The following ACACA variants were observed in gnomAD, a reference collection of about 807,000 sequenced individuals.
The protein encoded by ACACA is acetyl-CoA carboxylase 1.
ACACA carries 103 observed loss-of-function variants against 296.1 expected under a neutral mutation model. The observed-to-expected ratio is 0.35, with a 90% CI of 0.30 to 0.41. The LOEUF is 0.41. ACACA is among the 10% of genes least tolerant of loss of function. ACACA has a pLI of 1.00. For synonymous variants in ACACA, 953 were observed against 1,038.6 expected, an observed-to-expected ratio of 0.92 and a Z score of 1.58; for missense variants, 1,554 against 2,989.7, an observed-to-expected ratio of 0.52 and a Z score of 11.20.
chr17:37,244,776 A>G (rs776346508), intron 20 of ACACA, 42 bp from the exon 21 acceptor site: 2 of 1,613,486 alleles, frequency 1.2e-6, no homozygotes, highest in Non-Finnish European at 1.7e-6. Flanking sequence ...ACTACTTTTG[A>G]TCTAAGGTAC....
At chr17:37,174,010 ATATATATATATTTT>A (rs1462493922) in intron 41 of ACACA, among the ~76,000 whole-genome samples, 5 of 12,196 alleles carry the variant, frequency 4.1e-4, no homozygotes, top group Admixed American at 1.6e-3. Context: ...ATATATATAT[ATATATATATATTTT>A]TTTTTTTTTT....
At chr17:37,277,182 C>T in intron 6 of ACACA, 68 bp from the exon 7 acceptor site, 1 of 1,400,512 alleles carries the variant, frequency 7.1e-7, no homozygotes, top group South Asian at 1.2e-5. Context: ...GCAAGAGTCT[C>T]TATCCAGGCT....
chr17:37,397,061 T>C (rs2051106684), intron 1 of ACACA, among the ~76,000 whole-genome samples: 1 of 142,744 alleles, frequency 7.0e-6, no homozygotes, highest in Non-Finnish European at 1.5e-5. Context: ...CGACAGGCGC[T>C]GATGTGTGAT....
chr17:37,127,538 A>C (rs540383091), intron 47 of ACACA, among the ~76,000 whole-genome samples: 1 of 152,276 alleles, frequency 6.6e-6, no homozygotes, highest in Non-Finnish European at 1.5e-5. Flanking sequence ...AAAGAGGCTC[A>C]CTTCATTCCC....
chr17:37,387,529 C>T (rs2050597227), intron 1 of ACACA: 1 of 151,828 alleles, frequency 6.6e-6, no homozygotes, highest in African/African-American at 2.4e-5. Context: ...TTACTGCAAC[C>T]TCTGCCTCCC....
At chr17:37,175,221 G>A (rs1263289073) in intron 41 of ACACA, among the ~76,000 whole-genome samples, 1 of 152,196 alleles carries the variant, frequency 6.6e-6, no homozygotes, top group East Asian at 1.9e-4. Context: ...GAATAAACAA[G>A]AGCATAGTCT....
At chr17:37,368,855 T>G (rs2049701383) in intron 1 of ACACA, 1 of 152,172 alleles carries the variant, frequency 6.6e-6, no homozygotes, top group Admixed American at 6.6e-5. Context: ...GGAACCTGCA[T>G]ATATTACAAG....
chr17:37,222,435 T>C (rs1477378760), intron 28 of ACACA, among the ~76,000 whole-genome samples: 1 of 152,028 alleles, frequency 6.6e-6, no homozygotes, highest in Non-Finnish European at 1.5e-5. Flanking sequence ...TGAACTTGAC[T>C]CAAGAGTTAA....
intron 1 of ACACA, among the ~76,000 whole-genome samples, chr17:37,382,910 G>T (rs770947693): frequency 6.6e-6 from 1 of 151,942 alleles, no homozygotes; most frequent in Non-Finnish European, 1.5e-5. Flanking sequence ...GGAGGCACGC[G>T]CTTGTAGTCC....
At chr17:37,240,744 T>TA (rs2080353913) in intron 23 of ACACA, among the ~76,000 whole-genome samples, 180 bp from the exon 24 acceptor site, 1 of 152,200 alleles carries the variant, frequency 6.6e-6, no homozygotes, top group African/African-American at 2.4e-5. Context: ...AATCTCACTA[T>TA]AGACAAGACC....
At chr17:37,261,921 A>G (rs1282361730) in intron 11 of ACACA, among the ~76,000 whole-genome samples, 1 of 152,120 alleles carries the variant, frequency 6.6e-6, no homozygotes, top group Non-Finnish European at 1.5e-5. Context: ...TGGGTAAATA[A>G]CTTGTATTTT....
intron 50 of ACACA, among the ~76,000 whole-genome samples, chr17:37,120,490 C>T (rs117766456): frequency 0.024 from 3,582 of 151,932 alleles, 62 homozygotes; most frequent in Non-Finnish European, 0.035. Context: ...TCTCAAACTC[C>T]TGGACCTCAA....
At chr17:37,179,626 C>T (rs2077245111) in intron 40 of ACACA, among the ~76,000 whole-genome samples, 2 of 152,122 alleles carry the variant, frequency 1.3e-5, no homozygotes, top group Admixed American at 1.3e-4. Context: ...AGTCAAACTA[C>T]TGAGTGATTC....
At chr17:37,238,335 A>G (rs78890525) in intron 24 of ACACA, among the ~76,000 whole-genome samples, 7 of 62 alleles carry the variant, frequency 0.11, no homozygotes, top group Admixed American at 0.17. Context: ...TCATTTATTG[A>G]AAAAAAAAAA....
chr17:37,339,946 T>G (rs2048311001), intron 1 of ACACA, 96 bp from the exon 2 acceptor site: 1 of 664,848 alleles, frequency 1.5e-6, no homozygotes, highest in Non-Finnish European at 2.6e-6. Context: ...GGTAATAATA[T>G]ATGAAGTATC....
At chr17:37,292,164 A>G (rs573647539) in intron 3 of ACACA, among the ~76,000 whole-genome samples, 1 of 152,306 alleles carries the variant, frequency 6.6e-6, no homozygotes, top group South Asian at 2.1e-4. Flanking sequence ...AGAGCTCTAT[A>G]TAACTGTATA....
chr17:37,238,271 ATTTC>A (rs991611608), intron 24 of ACACA, among the ~76,000 whole-genome samples: 1 of 141,172 alleles, frequency 7.1e-6, no homozygotes, highest in African/African-American at 2.6e-5. Flanking sequence ...TAGGGATTCC[ATTTC>A]TTTCTTTCCT....
At chr17:37,209,461 C>T (rs940915581) in intron 30 of ACACA, among the ~76,000 whole-genome samples, 1 of 152,158 alleles carries the variant, frequency 6.6e-6, no homozygotes, top group African/African-American at 2.4e-5. Flanking sequence ...CTCAACTGAA[C>T]CCCATGGGAA....
chr17:37,211,647 AG>A, intron 29 of ACACA, among the ~76,000 whole-genome samples: 2 of 152,324 alleles, frequency 1.3e-5, no homozygotes, highest in Admixed American at 1.3e-4. Flanking sequence ...ATATGTGGAA[AG>A]GAAGATAGAG....
Sources: allele counts gnomAD v4.1 joint callset (sites outside exome capture counted in the v4.1 genomes callset), GRCh38; gene constraint gnomAD v4.1.1; transcripts MANE v1.5; gene names NCBI Gene and HGNC (gene_info 2026-07-23, HGNC 2026-07-21).